Variants in RADIL observed in about 807,000 individuals in gnomAD.
RADIL encodes Rap associating with DIL domain.
RADIL carries 99 observed loss-of-function variants against 97.6 expected under a neutral mutation model. The ratio of observed to expected loss-of-function variants is 1.01; its 90% CI spans 0.86 to 1.20. RADIL has a LOEUF of 1.20. Ranked by LOEUF, RADIL falls within the 50% of genes most tolerant of loss-of-function variation. The pLI is 0.00. For synonymous variants in RADIL, 803 were observed against 691.8 expected, an observed-to-expected ratio of 1.16 and a Z score of -2.52; for missense variants, 1,765 against 1,498.9, an observed-to-expected ratio of 1.18 and a Z score of -2.93.
rs1784462200 is a variant in RADIL, at chr7:4,880,504, C to G, written c.-64-2301G>C. Among the ~76,000 whole-genome samples the G allele has an allele frequency of 6.6e-6, 1 of 152,194 alleles. No homozygotes were observed. The highest frequency in any genetic ancestry group is 1.5e-5 in the Non-Finnish European group (1 of 68,036). Reference sequence around the variant, plus strand: ...TCACAGAACAAAACCCCTCAAAGAGCCTCTCCAGCCGGCACTTATTAACCA... The same window carrying G: ...TCACAGAACAAAACCCCTCAAAGAGGCTCTCCAGCCGGCACTTATTAACCA... On this transcript the variant is annotated intron_variant, in intron 1 of 14. Coordinates refer to ENST00000399583, the MANE Select transcript of RADIL (RefSeq NM_018059.5). This position sits in a 1 kb window ranked among gnomAD's most constrained non-coding sequence, Gnocchi z 4.5.
intron 2 of RADIL, chr7:4,838,008 C>T (rs1783345973): frequency 1.6e-5 from 16 of 985,390 alleles, no homozygotes; most frequent in Non-Finnish European, 1.9e-5. Context: ...CCCTTACCAG[C>T]GCCAGCAGCC....
Position 4,825,883 on chromosome 7 carries a change from GAAAAAAAAAAAAA to G in RADIL, c.1455-3342_1455-3330del, listed in dbSNP as rs540147941. 9.7e-3 allele frequency among the ~76,000 whole-genome samples: 496 copies of G among 51,044 alleles called. 2 individuals are homozygous for G. The highest frequency in any genetic ancestry group is 0.014 in the Non-Finnish European group (295 of 21,070). 33.5% of individuals were successfully genotyped at this position (51,044 alleles called of 152,430 possible). A position where few individuals can be genotyped will look rare whatever the true frequency, so the allele number is the denominator to read the frequency against. ...GGCTACAGAGCGAGACTCCGTCTCA[GAAAAAAAAAAAAA>G]AAAAAAAAAAAAGGGAAATGAAATG... is the stretch of plus-strand genomic sequence containing the variant. On this transcript the variant is annotated intron_variant, in intron 5 of 14. Coordinates refer to ENST00000399583, the MANE Select transcript of RADIL (RefSeq NM_018059.5).
Position 4,817,919 on chromosome 7 carries a change from A to G in RADIL, c.1616-568T>C, listed in dbSNP as rs536011273. ...GCCGTCTGGGTGGGGGCTCTTGTGA[A>G]GGTGGGAGGCCCCCAACAGGGTGGA... On this transcript the variant is annotated intron_variant, in intron 6 of 14. Transcript: ENST00000399583. This position sits in a 1 kb window ranked among gnomAD's most constrained non-coding sequence, Gnocchi z 8.3. 2.2e-3 allele frequency among the ~76,000 whole-genome samples: 341 copies of G among 152,284 alleles called. 3 individuals carry two copies. The highest frequency in any genetic ancestry group is 7.4e-3 in the African/African-American group (307 of 41,570).
At chr7:4,812,313 G>C (rs1782568981) in intron 9 of RADIL, among the ~76,000 whole-genome samples, 1 of 152,140 alleles carries the variant, frequency 6.6e-6, no homozygotes, top group Non-Finnish European at 1.5e-5. Flanking sequence ...AGTTGGTTAT[G>C]ATCTCCTCTT....
Position 4,799,742 on chromosome 7 carries a change from A to C in RADIL, c.3010T>G (p.Tyr1004Asp). 6.4e-7 allele frequency: 1 copy of C among 1,554,024 alleles called. No individual in the cohort carries two copies. Among genetic ancestry groups the C allele is most frequent in the Non-Finnish European group, 8.7e-7 (1 of 1,154,216 alleles). The change falls in exon 14 of 15, where the codon TAC (tyrosine) becomes GAC (aspartate). Residue 1004 changes from tyrosine to aspartate, a missense_variant. Transcript: ENST00000399583. The part of the protein sequence containing the change: ...MHTHLGAPGL[Y>D]IQTLLPGSPA... Reference sequence around the variant, plus strand: ...CTGCCCGGGAGCAGGGTCTGGATGTAGAGCCCGGGGGCGCCCAGGTGCGTG... The same window carrying C: ...CTGCCCGGGAGCAGGGTCTGGATGTCGAGCCCGGGGGCGCCCAGGTGCGTG...
chr7:4,799,455 T>A lies in RADIL; in HGVS notation c.3151A>T (p.Lys1051Ter). The change falls in exon 15 of 15, where the codon AAG becomes TAG. Residue 1051 changes from lysine to a stop codon, truncating the protein, a stop_gained. Transcript: ENST00000399583. LOFTEE classifies it high-confidence loss of function. Reference protein sequence around the residue: ...RAVDLIRHGGKKMRFLVAKSD... With the variant: ...RAVDLIRHGG ...TTCGCGACCAGGAACCGCATCTTCT[T>A]CCCGCCATGACGGATCAGGTCCACA... The A allele has an allele frequency of 6.2e-7, 1 of 1,613,578 alleles. No homozygotes were observed. Among genetic ancestry groups the A allele is most frequent in the Non-Finnish European group, 8.5e-7 (1 of 1,179,950 alleles).
In RADIL at chr7:4,842,389, T is replaced by C. The variant is rs1173707132; in HGVS notation, c.536-5784A>G. Among the ~76,000 whole-genome samples, 1 of 152,222 alleles carries C rather than the reference T, an allele frequency of 6.6e-6. No individual in the cohort carries two copies. The highest frequency in any genetic ancestry group is 1.5e-5 in the Non-Finnish European group (1 of 68,030). ...ATCTCCAAGGTGAGAAACTCACTCC[T>C]GGAGGAAGCGGCGAGGGAGACAGCA... On this transcript the variant is annotated intron_variant, in intron 2 of 14. Transcript: ENST00000399583. The surrounding 1 kb of genome is among the most constrained non-coding windows in gnomAD (Gnocchi z 4.5).
rs1376660286 is a variant in RADIL at position 4,803,588 on chromosome 7, A to G, written c.2457T>C (p.Pro819=). The change falls in exon 11 of 15, where the codon CCT becomes CCC. Residue 819 remains proline (P), a synonymous_variant. Coordinates refer to ENST00000399583, the MANE Select transcript of RADIL (RefSeq NM_018059.5). ...GGGAGGCCCCACTGCCAGGCCTGCC[A>G]GGGCTGCCGGGGCTGGCTCTGCTCC... ...GLRSRASPGS[P]GRPGSGASQP... 2 of 1,547,548 alleles carry G rather than the reference A, an allele frequency of 1.3e-6. No individual in the cohort carries two copies. The highest frequency in any genetic ancestry group is 1.7e-6 in the Non-Finnish European group (2 of 1,146,004).
Position 4,837,711 on chromosome 7 carries a change from G to A in RADIL, c.536-1106C>T, listed in dbSNP as rs1057030381. 3.7e-5 allele frequency: 19 copies of A among 508,498 alleles called. No homozygotes were observed. The highest frequency in any genetic ancestry group is 4.2e-5 in the African/African-American group (2 of 47,454). The allele number at this position is 508,498 out of a possible 1,614,324, so 31.5% of individuals were successfully genotyped here. On this transcript the variant is annotated intron_variant, in intron 2 of 14. Coordinates refer to ENST00000399583, the MANE Select transcript of RADIL (RefSeq NM_018059.5). The surrounding 1 kb of genome is among the most constrained non-coding windows in gnomAD (Gnocchi z 5.6). ...AACACATACATGCACACAAACATGC[G>A]CACAGTTCAGAGATAACACACACCC... is the stretch of plus-strand genomic sequence containing the variant.
chr7:4,874,685 C>T (rs898522527), intron 2 of RADIL, among the ~76,000 whole-genome samples: 5 of 152,210 alleles, frequency 3.3e-5, no homozygotes, highest in African/African-American at 9.7e-5. Context: ...TTTCGAAAAC[C>T]GCCACGAGCT....
rs1484102167 is a variant in RADIL, at chr7:4,849,470, T to A, written c.536-12865A>T. ...TCTGGAACTGGAAGGCATCCTGTAT[T>A]CTGTGGAATGTCGGCCAGGCTGCAG... On this transcript the variant is annotated intron_variant, in intron 2 of 14. Transcript: ENST00000399583. The surrounding 1 kb of genome is among the most constrained non-coding windows in gnomAD (Gnocchi z 5.4). Among the ~76,000 whole-genome samples the A allele has an allele frequency of 6.6e-6, 1 of 152,204 alleles. No individual in the cohort carries two copies. Among genetic ancestry groups the A allele is most frequent in the African/African-American group, 2.4e-5 (1 of 41,456 alleles).
At chr7:4,857,792 T>A (rs1292010241) in intron 2 of RADIL, 2 of 152,624 alleles carry the variant, frequency 1.3e-5, no homozygotes, top group African/African-American at 4.8e-5. Context: ...TCATCTGTTT[T>A]CAAAACAGTG....
intron 13 of RADIL, 116 bp downstream of exon 13, chr7:4,800,055 C>G (rs1032887040): frequency 8.5e-6 from 12 of 1,411,580 alleles, no homozygotes; most frequent in Non-Finnish European, 1.1e-5. Context: ...ACCCCACTCT[C>G]CTCCCCGAAG....
At chr7:4,845,326 G>A (rs1419006861) in intron 2 of RADIL, among the ~76,000 whole-genome samples, 1 of 152,140 alleles carries the variant, frequency 6.6e-6, no homozygotes, top group African/African-American at 2.4e-5. Context: ...GTGGAAGCAG[G>A]AGTACCACTT....
At chr7:4,859,697 A>T (rs151294011) in intron 2 of RADIL, 1 of 580,814 alleles carries the variant, frequency 1.7e-6, no homozygotes, top group East Asian at 2.9e-5. Context: ...TGAATTCTTG[A>T]TAACAGGAAT....
At chr7:4,861,936 A>T in intron 2 of RADIL, 1 of 511,466 alleles carries the variant, frequency 2.0e-6, no homozygotes, top group Non-Finnish European at 3.1e-6. Flanking sequence ...CCCCACTCCC[A>T]CTCCCGCTGC....
In RADIL at chr7:4,842,982, C is replaced by A. The variant is rs1405783758; in HGVS notation, c.536-6377G>T. On this transcript the variant is annotated intron_variant, in intron 2 of 14. Transcript: ENST00000399583. The surrounding 1 kb of genome is among the most constrained non-coding windows in gnomAD (Gnocchi z 4.5). ...AATAGCTGGGACTATAGGTGCGCAC[C>A]CCCATGCCCGGCAAGAGACAATTTT... 6.6e-6 allele frequency among the ~76,000 whole-genome samples: 1 copy of A among 151,900 alleles called. No homozygotes were observed. The highest frequency in any genetic ancestry group is 1.5e-5 in the Non-Finnish European group (1 of 67,976).
At chr7:4,865,639 G>T (rs769596720) in intron 2 of RADIL, 2 of 890,854 alleles carry the variant, frequency 2.2e-6, no homozygotes, top group Non-Finnish European at 3.8e-6. Flanking sequence ...CTCCACCAAG[G>T]TTCCCAGCTT....
Position 4,805,549 on chromosome 7 carries a change from C to T in RADIL, c.2290+17G>A. ...CACTGAGTCCCCAGCCCTCTCCTGC[C>T]CTGGGGCAGGGCTTACCTGACCTGA... is the stretch of plus-strand genomic sequence containing the variant. On this transcript the variant is annotated intron_variant, in intron 10 of 14. Coordinates refer to ENST00000399583, the MANE Select transcript of RADIL (RefSeq NM_018059.5). 6.4e-7 allele frequency: 1 copy of T among 1,570,614 alleles called. No homozygotes were observed. Among genetic ancestry groups the T allele is most frequent in the Non-Finnish European group, 8.7e-7 (1 of 1,156,006 alleles).
Sources: gnomAD v4.1 joint callset for allele counts (sites outside exome capture counted in the v4.1 genomes callset) on GRCh38, gnomAD v4.1.1 for gene constraint, Gnocchi (gnomAD v3.1) non-coding constraint, MANE v1.5 for transcripts, NCBI Gene and HGNC (gene_info 2026-07-23, HGNC 2026-07-21) for gene names.